The following EPHA6 variants were observed in gnomAD, a reference collection of about 807,000 sequenced individuals.
EPHA6 encodes the protein EPH receptor A6, also known as ephrin type-A receptor 6.
EPHA6 carries 50 observed loss-of-function variants against 112.0 expected under a neutral mutation model. The ratio of observed to expected loss-of-function variants is 0.45; its 90% confidence interval spans 0.36 to 0.56. The LOEUF is 0.56. Among genes scored for constraint, EPHA6 ranks in the 20% least tolerant of loss-of-function variants. EPHA6 has a pLI of 0.00. For synonymous variants in EPHA6, 529 were observed against 490.7 expected (o/e 1.08, Z -1.03); for missense variants, 1,280 against 1,417.4 (o/e 0.90, Z 1.56).
intron 14 of EPHA6, among the ~76,000 whole-genome samples, chr3:97,682,756 G>A (rs899465296): frequency 6.6e-6 from 1 of 152,110 alleles, no homozygotes; most frequent in African/African-American, 2.4e-5. Context: ...TCCAGTGAAG[G>A]GCACTGAAAA....
intron 5 of EPHA6, among the ~76,000 whole-genome samples, chr3:97,274,003 C>T (rs977641062): frequency 6.6e-6 from 1 of 152,114 alleles, no homozygotes; most frequent in Admixed American, 6.5e-5. Context: ...TGAACAATCC[C>T]TGAGGGGTAG....
rs1447541329 is a variant in EPHA6 at position 97,161,830 on chromosome 3, A to T, written c.1115-64434A>T. Among the ~76,000 whole-genome samples, 5 of 152,300 alleles carry T rather than the reference A, an allele frequency of 3.3e-5. No individual in the cohort carries two copies. In the East Asian group the frequency reaches 7.7e-4, roughly 24 times the overall value. ...TAGGTCCAATCAGCATAGTGTCATC[A>T]ATGTAATGGACCAATGTTGTATGTT... On this transcript the variant is annotated intron_variant, in intron 3 of 17. Coordinates refer to ENST00000389672, the MANE Select transcript of EPHA6 (RefSeq NM_001080448.3).
intron 6 of EPHA6, among the ~76,000 whole-genome samples, chr3:97,411,169 A>G (rs1241193828): frequency 6.6e-6 from 1 of 151,952 alleles, no homozygotes; most frequent in African/African-American, 2.4e-5. Context: ...GAATTTACTG[A>G]TACAAACACT....
intron 3 of EPHA6, among the ~76,000 whole-genome samples, chr3:97,198,730 GA>G (rs1213519049): frequency 6.6e-6 from 1 of 151,850 alleles, no homozygotes. Context: ...CTGTGTTCTG[GA>G]AAAAACAAAG....
intron 14 of EPHA6, among the ~76,000 whole-genome samples, chr3:97,708,207 T>TGGAC (rs1252971395): frequency 1.1e-4 from 17 of 152,192 alleles, no homozygotes; most frequent in Admixed American, 1.1e-3. Flanking sequence ...GATAGTGATA[T>TGGAC]GGACAATGAT....
chr3:97,479,248 C>T, intron 8 of EPHA6, 46 bp from the exon 9 acceptor site: 2 of 1,223,722 alleles, frequency 1.6e-6, no homozygotes. Context: ...GCATTGTATG[C>T]ATCATACTTC....
intron 6 of EPHA6, among the ~76,000 whole-genome samples, chr3:97,432,548 G>A (rs1432187903): frequency 6.6e-6 from 1 of 152,106 alleles, no homozygotes; most frequent in Non-Finnish European, 1.5e-5. Flanking sequence ...AAGAAGCACT[G>A]TTTCTTGAAA....
intron 2 of EPHA6, among the ~76,000 whole-genome samples, chr3:96,986,326 G>T (rs1216781941): frequency 6.6e-6 from 1 of 152,114 alleles, no homozygotes; most frequent in Non-Finnish European, 1.5e-5. Context: ...CAGTGATCTA[G>T]CTCAGAGTAA....
rs139389331 is a variant in EPHA6, at chr3:97,514,709, A to G, written c.2201-17649A>G. 6.5e-3 allele frequency among the ~76,000 whole-genome samples: 994 copies of G among 152,290 alleles called. 12 individuals are homozygous for G. The highest frequency in any genetic ancestry group is 0.022 in the African/African-American group (914 of 41,566). ...TAAAGTTAACTGAGATCCTAAGGGT[A>G]TGGTCCTAATCTGGTGATAGGATTG... On this transcript the variant is annotated intron_variant, in intron 10 of 17. Coordinates refer to ENST00000389672, the MANE Select transcript of EPHA6 (RefSeq NM_001080448.3).
chr3:97,646,485 C>T (rs2094064894), intron 14 of EPHA6, among the ~76,000 whole-genome samples: 1 of 152,160 alleles, frequency 6.6e-6, no homozygotes, highest in Non-Finnish European at 1.5e-5. Flanking sequence ...TGCTCTAGGT[C>T]TGACATATTC....
intron 10 of EPHA6, among the ~76,000 whole-genome samples, chr3:97,513,833 G>A (rs1468881898): frequency 2.0e-5 from 3 of 151,928 alleles, no homozygotes; most frequent in Admixed American, 6.6e-5. Context: ...CCATAAATTT[G>A]TACAATTATT....
At chr3:97,018,894 C>G (rs1171186910) in intron 3 of EPHA6, among the ~76,000 whole-genome samples, 1 of 152,162 alleles carries the variant, frequency 6.6e-6, no homozygotes, top group Non-Finnish European at 1.5e-5. Flanking sequence ...CGCCTGGCAA[C>G]GGGCGTCTTC....
intron 10 of EPHA6, among the ~76,000 whole-genome samples, chr3:97,525,667 C>CA (rs2092608134): frequency 6.6e-6 from 1 of 152,148 alleles, no homozygotes; most frequent in Non-Finnish European, 1.5e-5. Flanking sequence ...AATAGGTCTG[C>CA]AGGTTGATGA....
At chr3:97,232,439 T>G (rs930791358) in intron 4 of EPHA6, among the ~76,000 whole-genome samples, 1 of 152,188 alleles carries the variant, frequency 6.6e-6, no homozygotes, top group Non-Finnish European at 1.5e-5. Flanking sequence ...TTCCATCATT[T>G]GTATTCCTGC....
At chr3:97,028,401 G>A (rs950423991) in intron 3 of EPHA6, among the ~76,000 whole-genome samples, 1 of 152,088 alleles carries the variant, frequency 6.6e-6, no homozygotes, top group African/African-American at 2.4e-5. Flanking sequence ...CTCAATAAAA[G>A]TGTCTTCCTT....
At chr3:97,298,382 A>G (rs920530202) in intron 5 of EPHA6, among the ~76,000 whole-genome samples, 6 of 152,214 alleles carry the variant, frequency 3.9e-5, no homozygotes, top group Non-Finnish European at 5.9e-5. Context: ...GTGTTAGATA[A>G]CAATGATTAC....
chr3:97,445,824 A>G (rs1400916764), intron 6 of EPHA6, among the ~76,000 whole-genome samples: 1 of 152,108 alleles, frequency 6.6e-6, no homozygotes, highest in African/African-American at 2.4e-5. Flanking sequence ...TTTATCACAC[A>G]TTCAGCAAAG....
chr3:97,660,676 G>A (rs149594757), intron 14 of EPHA6, among the ~76,000 whole-genome samples: 32 of 152,210 alleles, frequency 2.1e-4, no homozygotes, highest in African/African-American at 6.5e-4. Flanking sequence ...GGGCCCACCA[G>A]TACAGACATT....
chr3:97,328,830 T>G (rs971020574), intron 5 of EPHA6, among the ~76,000 whole-genome samples: 1 of 152,116 alleles, frequency 6.6e-6, no homozygotes, highest in African/African-American at 2.4e-5. Context: ...ATTATTATTA[T>G]TGTACTTTAA....
Sources: gnomAD v4.1 joint callset for allele counts (sites outside exome capture counted in the v4.1 genomes callset) on GRCh38, gnomAD v4.1.1 for gene constraint, MANE v1.5 for transcripts, NCBI Gene and HGNC (gene_info 2026-07-23, HGNC 2026-07-21) for gene names.